ACLY: variants seen among roughly 807,000 people sequenced by gnomAD.
The protein encoded by ACLY is ATP citrate lyase.
Under a neutral mutation model 133.0 loss-of-function variants are expected in ACLY, and 41 were observed. That is an observed-to-expected ratio of 0.31 (90% CI 0.24 to 0.40). ACLY has a LOEUF of 0.40. ACLY is among the 10% of genes least tolerant of loss of function. ACLY has a pLI of 1.00. For synonymous variants in ACLY, 495 were observed against 549.3 expected (o/e 0.90, Z 1.38); for missense variants, 1,046 against 1,453.8 (o/e 0.72, Z 4.56).
chr17:41,928,295 A>G (rs782741150), intron 1 of ACLY, among the ~76,000 whole-genome samples: 2 of 152,164 alleles, frequency 1.3e-5, no homozygotes, highest in African/African-American at 2.4e-5. Flanking sequence ...TGTGGAAAAG[A>G]GTATCCTTTC....
At chr17:41,882,367 C>CAAAAAAAAA (rs34078258) in intron 20 of ACLY, among the ~76,000 whole-genome samples, 6,234 of 40,224 alleles carry the variant, frequency 0.15, 2,142 homozygotes, top group East Asian at 0.25. Flanking sequence ...ACCCTGTCTC[C>CAAAAAAAAA]AAAAAAAAAA....
chr17:41,894,492 T>A (rs925710123), intron 14 of ACLY, among the ~76,000 whole-genome samples: 5 of 148,534 alleles, frequency 3.4e-5, no homozygotes, highest in Non-Finnish European at 7.4e-5. Context: ...GAGACTGAGA[T>A]GGGAGGATCA....
intron 17 of ACLY, among the ~76,000 whole-genome samples, chr17:41,886,721 G>C (rs2049055788): frequency 6.6e-6 from 1 of 152,132 alleles, no homozygotes; most frequent in Admixed American, 6.5e-5. Flanking sequence ...CTTGAGCTTA[G>C]GAGTTCGGGG....
rs556832668 is a variant in ACLY at position 41,887,308 on chromosome 17, G to A, written c.1875+291C>T. ...ACAAAAATTAGCCGGACATGGTGGC[G>A]GGTGCCTGTAATCCCAGCTACTTGG... is the stretch of plus-strand genomic sequence containing the variant. On this transcript the variant is annotated intron_variant, in intron 17 of 28. Coordinates refer to ENST00000352035, the MANE Select transcript of ACLY (RefSeq NM_001096.3). Among the ~76,000 whole-genome samples the A allele has an allele frequency of 1.1e-4, 17 of 151,792 alleles. No homozygotes were observed. In the South Asian group the frequency reaches 2.7e-3, roughly 24 times the overall value.
intron 15 of ACLY, among the ~76,000 whole-genome samples, 200 bp downstream of exon 15, chr17:41,892,833 T>C (rs2049252934): frequency 6.6e-6 from 1 of 152,092 alleles, no homozygotes; most frequent in African/African-American, 2.4e-5. Context: ...CACACCACCA[T>C]ATCCGGCTAA....
rs782355295 is a variant in ACLY at position 41,872,022 on chromosome 17, C to G, written c.2793+10G>C. The G allele has an allele frequency of 6.2e-7, 1 of 1,613,808 alleles. No homozygotes were observed. Among genetic ancestry groups the G allele is most frequent in the Admixed American group, 1.7e-5 (1 of 60,006 alleles). ...CCCCACTGTTCACCTCCCATGATGA[C>G]AGTACTTACGATGGTGAGCAGCCCC... On this transcript the variant is annotated intron_variant, in intron 24 of 28. Transcript: ENST00000352035.
chr17:41,890,354 G>GCCT lies in ACLY; in HGVS notation c.1770+1922_1770+1924dup, dbSNP rs1555628988. Among the ~76,000 whole-genome samples the GCCT allele has an allele frequency of 2.0e-5, 3 of 151,476 alleles. No individual in the cohort carries two copies. The East Asian group carries it at 5.8e-4, about 29-fold the overall frequency. Reference sequence around the variant, plus strand: ...TAATGAAATGTTGGAGTCTTTCTGAGCCTCCTCTGGCTTGGGAAGCTGACC... The same window carrying GCCT: ...TAATGAAATGTTGGAGTCTTTCTGAGCCTCCTCCTCTGGCTTGGGAAGCTGACC... On this transcript the variant is annotated intron_variant, in intron 16 of 28. Transcript: ENST00000352035.
chr17:41,900,267 G>T (rs1400577752), intron 11 of ACLY, among the ~76,000 whole-genome samples: 2 of 151,418 alleles, frequency 1.3e-5, no homozygotes, highest in Non-Finnish European at 2.9e-5. Flanking sequence ...GGAGGCCGAG[G>T]CAGGAGAATG....
At chr17:41,908,877 C>A in intron 6 of ACLY, 112 bp downstream of exon 6, 1 of 861,358 alleles carries the variant, frequency 1.2e-6, no homozygotes, top group Non-Finnish European at 1.9e-6. Context: ...TTGTGCACAT[C>A]TGTCTTGTGT....
rs535326430 is a variant in ACLY at position 41,897,855 on chromosome 17, G to T, written c.1339-16C>A. 129 of 1,610,542 alleles carry T rather than the reference G, an allele frequency of 8.0e-5. 4 individuals carry two copies. In the South Asian group the frequency reaches 1.4e-3, roughly 18 times the overall value. Reference sequence around the variant, plus strand: ...GGGCTGGCGTCTGGGGTGAGATAAGGAGAGAGTGTAAGAGGTAAGAGTCAC... The same window carrying T: ...GGGCTGGCGTCTGGGGTGAGATAAGTAGAGAGTGTAAGAGGTAAGAGTCAC... On this transcript the variant is annotated splice_polypyrimidine_tract_variant and intron_variant, in intron 12 of 28. Coordinates refer to ENST00000352035, the MANE Select transcript of ACLY (RefSeq NM_001096.3).
intron 16 of ACLY, among the ~76,000 whole-genome samples, chr17:41,890,504 GA>G (rs1555629025): frequency 2.0e-5 from 3 of 151,004 alleles, no homozygotes. Flanking sequence ...CCAACATGGT[GA>G]AACTCCGTCT....
Position 41,912,494 on chromosome 17 carries a change from C to A in ACLY, c.208G>T (p.Gly70Cys). The A allele has an allele frequency of 6.2e-7, 1 of 1,614,216 alleles. No homozygotes were observed. Among genetic ancestry groups the A allele is most frequent in the South Asian group, 1.1e-5 (1 of 91,078 alleles). The change falls in exon 3 of 29, where the codon GGT (glycine) becomes TGT (cysteine). Residue 70 changes from glycine to cysteine, a missense_variant. Around this residue, in one of 4 missense-constraint regions of ACLY, gnomAD observed 227 missense variants for 245.6 expected, o/e 0.92. Transcript: ENST00000352035. Reference protein sequence around the residue: ...DQLIKRRGKLGLVGVNLTLDG... With the variant: ...DQLIKRRGKLCLVGVNLTLDG... Reference sequence around the variant, plus strand: ...AGAGTGAGGTTGACCCCAACGAGACCAAGTTTTCCACGACGTTTGATCAGC... The same window carrying A: ...AGAGTGAGGTTGACCCCAACGAGACAAAGTTTTCCACGACGTTTGATCAGC...
At chr17:41,889,835 G>A (rs781994087) in intron 16 of ACLY, among the ~76,000 whole-genome samples, 22 of 151,902 alleles carry the variant, frequency 1.4e-4, no homozygotes, top group Admixed American at 2.6e-4. Context: ...ACAGGTGTCT[G>A]CCACCATACC....
rs192267715 is a variant in ACLY at position 41,904,254 on chromosome 17, G to A, written c.1065+475C>T. On this transcript the variant is annotated intron_variant, in intron 10 of 28. Transcript: ENST00000352035. ...GAAGGAAGGGAGGGGAGGAAGGAAG[G>A]GAGGGGAGGGAGGAAGGGAGGGGAG... Among the ~76,000 whole-genome samples, 500 of 119,378 alleles carry A rather than the reference G, an allele frequency of 4.2e-3. 5 individuals carry two copies. The highest frequency in any genetic ancestry group is 0.016 in the African/African-American group (480 of 30,812). The allele number at this position is 119,378 out of a possible 152,430, so 78.3% of individuals were successfully genotyped here.
chr17:41,902,548 T>C (rs1189911246), intron 10 of ACLY, among the ~76,000 whole-genome samples: 1 of 152,152 alleles, frequency 6.6e-6, no homozygotes, highest in Non-Finnish European at 1.5e-5. Flanking sequence ...GGATATCCAC[T>C]TTGGAAAAAT....
chr17:41,906,681 G>C (rs1276727863), intron 7 of ACLY, 35 bp from the exon 8 acceptor site: 1 of 1,578,664 alleles, frequency 6.3e-7, no homozygotes, highest in Non-Finnish European at 8.7e-7. Context: ...GGCCCTTGGG[G>C]TACCCCCTTT....
At position 41,905,707 on chromosome 17, in the gene ACLY, A is replaced by T. The variant is rs1343144672; in HGVS notation, c.867-49T>A. ...GATGGCTCTCACACTTGGGGCAGGG[A>T]GTGGCAGCCTGGTGCCTGGGAGGAC... On this transcript the variant is annotated intron_variant, in intron 8 of 28. Transcript: ENST00000352035. 4.3e-6 allele frequency: 7 copies of T among 1,612,616 alleles called. No homozygotes were observed. In the African/African-American group the frequency reaches 5.3e-5, roughly 12 times the overall value.
intron 5 of ACLY, 58 bp downstream of exon 5, chr17:41,909,452 A>G: frequency 1.3e-6 from 2 of 1,573,898 alleles, no homozygotes; most frequent in Non-Finnish European, 1.7e-6. Flanking sequence ...GTCTGTGCCC[A>G]GAGCCTGTCG....
intron 22 of ACLY, among the ~76,000 whole-genome samples, chr17:41,875,325 C>G: frequency 7.1e-6 from 1 of 141,632 alleles, no homozygotes; most frequent in South Asian, 2.2e-4. Flanking sequence ...ACTCCAGCTT[C>G]AGCAACAAAA....
Sources: gnomAD v4.1 joint callset for allele counts (sites outside exome capture counted in the v4.1 genomes callset) on GRCh38, gnomAD v4.1.1 for gene constraint, gnomAD v4.1.1 regional missense constraint, MANE v1.5 for transcripts, NCBI Gene and HGNC (gene_info 2026-07-23, HGNC 2026-07-21) for gene names.